RFC1: variants seen among roughly 807,000 people sequenced by gnomAD.
The protein encoded by RFC1 is A1 140 kDa subunit.
A neutral mutation model predicts 137.4 loss-of-function variants in RFC1; 37 were observed. That is an observed-to-expected ratio of 0.27 (90% CI 0.21 to 0.35). The LOEUF is 0.35. Among genes scored for constraint, RFC1 ranks in the 10% least tolerant of loss-of-function variants. The pLI, the probability that RFC1 is intolerant of heterozygous loss-of-function variation, is 1.00. For synonymous variants in RFC1, 429 were observed against 455.7 expected (o/e 0.94, Z 0.75); for missense variants, 1,205 against 1,358.5 (o/e 0.89, Z 1.78).
At chr4:39,295,853 A>G (rs375636834) in intron 21 of RFC1, 94 bp from the exon 22 acceptor site, 1 of 1,202,222 alleles carries the variant, frequency 8.3e-7, no homozygotes. Flanking sequence ...CGGAAGATAA[A>G]GCAACACTGT....
At chr4:39,353,397 CAAAA>C (rs11416030) in intron 1 of RFC1, among the ~76,000 whole-genome samples, 19 of 63,532 alleles carry the variant, frequency 3.0e-4, no homozygotes, top group African/African-American at 5.4e-4. Context: ...GAGACTGTCT[CAAAA>C]AAAAAAAAAA....
chr4:39,321,120 A>T (rs1293590117), intron 8 of RFC1, among the ~76,000 whole-genome samples, 167 bp downstream of exon 8: 1 of 152,242 alleles, frequency 6.6e-6, no homozygotes, highest in Non-Finnish European at 1.5e-5. Flanking sequence ...ACCAGCTAGC[A>T]TCCAAAGAGC....
chr4:39,331,825 G>A (rs1250857602), intron 4 of RFC1, among the ~76,000 whole-genome samples: 1 of 152,084 alleles, frequency 6.6e-6, no homozygotes, highest in Non-Finnish European at 1.5e-5. Flanking sequence ...TTTTATCTCT[G>A]ATTAGGGAAA....
intron 1 of RFC1, among the ~76,000 whole-genome samples, chr4:39,365,111 T>C (rs1280141785): frequency 7.4e-6 from 1 of 134,608 alleles, no homozygotes; most frequent in African/African-American, 2.9e-5. Flanking sequence ...TCCAAAAAGG[T>C]GCTTGCACCA....
chr4:39,319,581 A>T (rs1035788062), intron 9 of RFC1, among the ~76,000 whole-genome samples: 1 of 152,210 alleles, frequency 6.6e-6, no homozygotes, highest in African/African-American at 2.4e-5. Context: ...TCTAAATAAG[A>T]TATCTTAAAA....
chr4:39,306,606 A>G lies in RFC1; in HGVS notation c.1981T>C (p.Ser661Pro), dbSNP rs775104115. 6.3e-7 allele frequency: 1 copy of G among 1,595,536 alleles called. No homozygotes were observed. Residue 661 changes from serine to proline, a missense_variant, in exon 14 of 25, where the codon TCC (serine) becomes CCC (proline). Ser to Pro is a moderately conservative substitution (Grantham distance 74). Coordinates refer to ENST00000349703, the MANE Select transcript of RFC1 (RefSeq NM_002913.5). ...AACGCACCCACCTGACACACCAGGG[A>G]AGCTGTGGTGGTTTTGCCAACACCA... is the stretch of plus-strand genomic sequence containing the variant. ...PPGVGKTTTA[S>P]LVCQELGYSY...
chr4:39,331,004 G>C (rs1038258838), intron 4 of RFC1, among the ~76,000 whole-genome samples: 2 of 152,012 alleles, frequency 1.3e-5, no homozygotes, highest in South Asian at 4.1e-4. Context: ...CAAAAGGCTA[G>C]GTAACATCAC....
Position 39,365,999 on chromosome 4 carries a change from G to A in RFC1, c.3+240C>T, listed in dbSNP as rs1031312406. Among the ~76,000 whole-genome samples the A allele has an allele frequency of 3.9e-5, 6 of 152,308 alleles. No individual in the cohort carries two copies. The East Asian group carries it at 5.8e-4, about 15-fold the overall frequency. ...CCCAAGAGTGGGGGGCGGGGGGAAA[G>A]TGCAAGTACACGTAGCAACAAAATC... On this transcript the variant is annotated intron_variant, in intron 1 of 24. Coordinates refer to ENST00000349703, the MANE Select transcript of RFC1 (RefSeq NM_002913.5).
intron 4 of RFC1, among the ~76,000 whole-genome samples, chr4:39,339,139 C>A: frequency 6.6e-6 from 1 of 152,108 alleles, no homozygotes; most frequent in East Asian, 1.9e-4. Context: ...ATTCCTTCAT[C>A]CATCCACCAT....
chr4:39,313,546 G>A (rs1242566402), intron 10 of RFC1, among the ~76,000 whole-genome samples: 3 of 152,184 alleles, frequency 2.0e-5, no homozygotes, highest in Non-Finnish European at 2.9e-5. Context: ...AAGTTGAAGG[G>A]AGTTTTGCCC....
At chr4:39,303,513 G>A (rs1029930820) in intron 15 of RFC1, among the ~76,000 whole-genome samples, 1 of 152,074 alleles carries the variant, frequency 6.6e-6, no homozygotes, top group Non-Finnish European at 1.5e-5. Context: ...GAGTGCAATG[G>A]CACGATATTG....
chr4:39,339,044 G>A (rs11096993), intron 4 of RFC1, among the ~76,000 whole-genome samples: 62,996 of 151,806 alleles, frequency 0.41, 16,086 homozygotes, highest in East Asian at 0.63. Context: ...CATAATGTCC[G>A]CCGGGTTCAC....
At chr4:39,343,960 A>T (rs923182422) in intron 3 of RFC1, among the ~76,000 whole-genome samples, 2 of 152,106 alleles carry the variant, frequency 1.3e-5, no homozygotes, top group African/African-American at 4.8e-5. Flanking sequence ...TAAAAGCTAC[A>T]AAAATTAGCT....
intron 4 of RFC1, among the ~76,000 whole-genome samples, chr4:39,334,821 A>G (rs1740276535): frequency 6.6e-6 from 1 of 152,248 alleles, no homozygotes; most frequent in South Asian, 2.1e-4. Flanking sequence ...TGTGGTACGA[A>G]CAACCAAGCA....
intron 4 of RFC1, among the ~76,000 whole-genome samples, chr4:39,335,176 A>G (rs1386125333): frequency 6.6e-6 from 1 of 152,218 alleles, no homozygotes; most frequent in African/African-American, 2.4e-5. Context: ...AAAAGGAATC[A>G]AGGTGTTTAA....
chr4:39,304,916 T>C lies in RFC1; in HGVS notation c.2008A>G (p.Ser670Gly), dbSNP rs1738560664. 5.6e-6 allele frequency: 9 copies of C among 1,607,328 alleles called. No homozygotes were observed. The highest frequency in any genetic ancestry group is 7.7e-6 in the Non-Finnish European group (9 of 1,173,950). The change falls in exon 15 of 25, where the codon AGC (serine) becomes GGC (glycine). Residue 670 changes from serine (S) to glycine (G), a missense_variant. Transcript: ENST00000349703. ...ASLVCQELGY[S>G]YVELNASDTR... ...TCACTTGCATTCAGTTCCACGTAGC[T>C]GTATCCCAACTCCTAATCAAAATAT...
At chr4:39,322,868 G>C (rs187328970) in intron 7 of RFC1, among the ~76,000 whole-genome samples, 1 of 151,702 alleles carries the variant, frequency 6.6e-6, no homozygotes, top group African/African-American at 2.4e-5. Context: ...AGAATCACTT[G>C]AACTCTGGAG....
chr4:39,365,433 C>A, intron 1 of RFC1: 1 of 980,752 alleles, frequency 1.0e-6, no homozygotes, highest in African/African-American at 1.7e-5. Flanking sequence ...AAAAATATTT[C>A]AAACACAGAG....
At chr4:39,347,938 G>A (rs927015117) in intron 2 of RFC1, among the ~76,000 whole-genome samples, 2 of 152,192 alleles carry the variant, frequency 1.3e-5, no homozygotes, top group African/African-American at 2.4e-5. Flanking sequence ...GATGGAACCT[G>A]TGAATGATGA....
Sources: gnomAD v4.1 joint callset for allele counts (sites outside exome capture counted in the v4.1 genomes callset) on GRCh38, gnomAD v4.1.1 for gene constraint, MANE v1.5 for transcripts, NCBI Gene and HGNC (gene_info 2026-07-23, HGNC 2026-07-21) for gene names.